BTBD16: variants seen among roughly 807,000 people sequenced by gnomAD.
BTBD16 encodes BTB/POZ domain-containing protein 16.
A neutral mutation model predicts 67.4 loss-of-function variants in BTBD16; 66 were observed. The ratio of observed to expected loss-of-function variants is 0.98; its 90% confidence interval spans 0.80 to 1.20. The LOEUF (loss-of-function observed/expected upper bound fraction) is 1.20. BTBD16 is among the 50% of genes most tolerant of loss of function. The pLI is 0.00. For missense variants in BTBD16, 634 were observed against 616.0 expected (o/e 1.03, Z -0.31); for synonymous variants, 242 against 236.4 (o/e 1.02, Z -0.22).
chr10:122,313,268 T>C (rs1445241031), intron 10 of BTBD16, among the ~76,000 whole-genome samples: 1 of 150,180 alleles, frequency 6.7e-6, no homozygotes, highest in Non-Finnish European at 1.5e-5. Flanking sequence ...TTTTTTTTTT[T>C]TTGTTTTTTT....
At chr10:122,313,921 T>G (rs1241677386) in intron 10 of BTBD16, among the ~76,000 whole-genome samples, 3 of 152,238 alleles carry the variant, frequency 2.0e-5, no homozygotes, top group Non-Finnish European at 4.4e-5. Context: ...TAGTCTTGTC[T>G]ATCCTTGAAC....
At chr10:122,292,226 T>A (rs1033835612) in intron 7 of BTBD16, among the ~76,000 whole-genome samples, 1 of 152,244 alleles carries the variant, frequency 6.6e-6, no homozygotes, top group Non-Finnish European at 1.5e-5. Context: ...TTATAACATT[T>A]GTCCCATCTA....
In BTBD16 at chr10:122,299,647, T is replaced by C. The variant is rs114937961; in HGVS notation, c.791+513T>C. Among the ~76,000 whole-genome samples, 878 of 152,054 alleles carry C rather than the reference T, an allele frequency of 5.8e-3. 10 individuals are homozygous for C. The highest frequency in any genetic ancestry group is 0.02 in the African/African-American group (835 of 41,466). On this transcript the variant is annotated intron_variant, in intron 9 of 15. Transcript: ENST00000260723. ...CTGCCCCCAGTGTTCCTCCACCATC[T>C]GACTAGCGGATCAAGCTAGACCCTT...
chr10:122,298,970 A>G, intron 8 of BTBD16, 34 bp from the exon 9 acceptor site: 2 of 1,610,318 alleles, frequency 1.2e-6, no homozygotes, highest in Non-Finnish European at 1.7e-6. Context: ...AGAGCTCAGG[A>G]CTTCCTTCAT....
At chr10:122,310,263 G>C (rs1464000419) in intron 10 of BTBD16, among the ~76,000 whole-genome samples, 1 of 152,232 alleles carries the variant, frequency 6.6e-6, no homozygotes, top group Non-Finnish European at 1.5e-5. Context: ...GCTCTGAGAA[G>C]AAGAATGTCG....
chr10:122,304,092 G>A (rs1202165920), intron 9 of BTBD16, among the ~76,000 whole-genome samples: 2 of 152,144 alleles, frequency 1.3e-5, no homozygotes, highest in African/African-American at 4.8e-5. Context: ...CACTTCGCCA[G>A]CCCAGCTGAC....
intron 13 of BTBD16, among the ~76,000 whole-genome samples, chr10:122,333,174 C>T (rs1025208131): frequency 1.3e-5 from 2 of 152,158 alleles, no homozygotes; most frequent in Non-Finnish European, 2.9e-5. Context: ...CTGAATGCAT[C>T]ATCAGAGAGT....
rs2096333066 is a variant in BTBD16 at position 122,273,236 on chromosome 10, A to G, written c.-43+1722A>G. 1.3e-5 allele frequency among the ~76,000 whole-genome samples: 2 copies of G among 148,974 alleles called. 1 individual carries two copies. On this transcript the variant is annotated intron_variant, in intron 1 of 15. Coordinates refer to ENST00000260723, the MANE Select transcript of BTBD16 (RefSeq NM_144587.5). ...GCAACACAAAGATATATATATATAT[A>G]TATATATATACACACATACATACAT...
At chr10:122,285,170 C>T (rs1415726216) in intron 4 of BTBD16, among the ~76,000 whole-genome samples, 1 of 152,068 alleles carries the variant, frequency 6.6e-6, no homozygotes, top group Non-Finnish European at 1.5e-5. Context: ...CCCTTCAGGT[C>T]CTGTCTGGCA....
rs1487629054 is a variant in BTBD16 at position 122,331,175 on chromosome 10, G to T, written c.1004-1G>T. On this transcript the variant is annotated splice_acceptor_variant, in intron 11 of 15. Coordinates refer to ENST00000260723, the MANE Select transcript of BTBD16 (RefSeq NM_144587.5). LOFTEE classifies it high-confidence loss of function. Reference sequence around the variant, plus strand: ...AACATTCTCTTTGCGTTTCTTCCCAGGCAAGGATCTGGAGGTGCTGCGGCA... The same window carrying T: ...AACATTCTCTTTGCGTTTCTTCCCATGCAAGGATCTGGAGGTGCTGCGGCA... 2 of 1,610,396 alleles carry T rather than the reference G, an allele frequency of 1.2e-6. No homozygotes were observed. The highest frequency in any genetic ancestry group is 3.4e-5 in the Admixed American group (2 of 59,102).
intron 3 of BTBD16, among the ~76,000 whole-genome samples, chr10:122,279,162 G>A (rs562865505): frequency 2.2e-4 from 33 of 152,182 alleles, no homozygotes; most frequent in African/African-American, 7.5e-4. Context: ...ACTGAGTATG[G>A]GAGAAACTGA....
rs1430998023 is a variant in BTBD16 at position 122,283,858 on chromosome 10, A to G, written c.175A>G (p.Ile59Val). The G allele has an allele frequency of 9.9e-6, 16 of 1,613,808 alleles. No homozygotes were observed. The highest frequency in any genetic ancestry group is 1.7e-5 in the Admixed American group (1 of 60,008). ...EALRNPDRLC[I>V]SQIQKFFFEN... The stretch of plus-strand genomic sequence containing the variant: ...TTTGCATTTTCCCTTGAGGTTATGC[A>G]TTTCACAAATCCAGAAGTTTTTCTT... Residue 59 changes from isoleucine to valine, a missense_variant, in exon 4 of 16, where the codon ATT (isoleucine) becomes GTT (valine). Physicochemically the swap from Ile to Val is conservative, Grantham distance 29. Coordinates refer to ENST00000260723, the MANE Select transcript of BTBD16 (RefSeq NM_144587.5).
chr10:122,338,061 T>G lies in BTBD16; in HGVS notation c.1497T>G (p.Phe499Leu). 1 of 1,610,306 alleles carries G rather than the reference T, an allele frequency of 6.2e-7. No homozygotes were observed. The highest frequency in any genetic ancestry group is 8.5e-7 in the Non-Finnish European group (1 of 1,176,516). ...TGGGCATCCCAATCTATGTAAGTTT[T>G]GCATTCATCTTCCCAGCATCTTGAC... ...QTVGIPIYVS[F>L]AFIFPAS The change falls in exon 16 of 16, where the codon TTT (phenylalanine) becomes TTG (leucine). Residue 499 changes from phenylalanine (F) to leucine (L), a missense_variant. Coordinates refer to ENST00000260723, the MANE Select transcript of BTBD16 (RefSeq NM_144587.5).
In BTBD16 at chr10:122,289,956, A is replaced by G; in HGVS notation, c.433A>G (p.Ile145Val). 6.2e-7 allele frequency: 1 copy of G among 1,613,912 alleles called. No homozygotes were observed. The highest frequency in any genetic ancestry group is 8.5e-7 in the Non-Finnish European group (1 of 1,179,870). The change falls in exon 6 of 16, where the codon ATC (isoleucine) becomes GTC (valine). Residue 145 changes from isoleucine (I) to valine (V), a missense_variant. By Grantham distance (29) the Ile-to-Val change is conservative. Transcript: ENST00000260723. Reference protein sequence around the residue: ...TKEKSPAKRIIISLKINDPLV... With the variant: ...TKEKSPAKRIVISLKINDPLV... ...AGAAAAATCCCCTGCAAAGAGGATC[A>G]TCATTTCCTTGAAGATCAATGACCC... is the stretch of plus-strand genomic sequence containing the variant.
At chr10:122,310,165 T>C (rs908125781) in intron 10 of BTBD16, among the ~76,000 whole-genome samples, 6 of 152,186 alleles carry the variant, frequency 3.9e-5, no homozygotes, top group African/African-American at 1.2e-4. Flanking sequence ...CTTGACAACA[T>C]TGAGATAGCA....
At chr10:122,322,619 T>C (rs1052022265) in intron 10 of BTBD16, among the ~76,000 whole-genome samples, 13 of 152,184 alleles carry the variant, frequency 8.5e-5, no homozygotes, top group Admixed American at 3.3e-4. Flanking sequence ...AAGCAGCCCA[T>C]TGCAGTTTGG....
At chr10:122,333,872 A>G (rs2096458737) in intron 13 of BTBD16, among the ~76,000 whole-genome samples, 1 of 152,156 alleles carries the variant, frequency 6.6e-6, no homozygotes, top group African/African-American at 2.4e-5. Context: ...ATAGTTCTCG[A>G]GGTAGCCTCC....
intron 10 of BTBD16, among the ~76,000 whole-genome samples, chr10:122,312,820 T>C (rs1263069062): frequency 2.0e-5 from 3 of 152,226 alleles, no homozygotes. Flanking sequence ...ACGTCCTTGT[T>C]GGATATATGA....
intron 11 of BTBD16, 46 bp from the exon 12 acceptor site, chr10:122,331,130 T>G: frequency 3.8e-6 from 6 of 1,595,784 alleles, no homozygotes; most frequent in Non-Finnish European, 5.1e-6. Flanking sequence ...TTTGAGGCTC[T>G]GGTGTGAATA....
Sources: gnomAD v4.1 joint callset for allele counts (sites outside exome capture counted in the v4.1 genomes callset) on GRCh38, gnomAD v4.1.1 for gene constraint, MANE v1.5 for transcripts, NCBI Gene and HGNC (gene_info 2026-07-23, HGNC 2026-07-21) for gene names.